Variants in MPPED2 observed in about 807,000 individuals in gnomAD.
The protein encoded by MPPED2 is metallophosphoesterase MPPED2.
A neutral mutation model predicts 33.0 loss-of-function variants in MPPED2; 5 were observed. That is an observed-to-expected ratio of 0.15 (90% confidence interval 0.08 to 0.32). The LOEUF is 0.32. Ranked by LOEUF, MPPED2 falls within the 10% of genes least tolerant of loss-of-function variation. The pLI is 1.00. For missense variants in MPPED2, 275 were observed against 372.1 expected (o/e 0.74, Z 2.15); for synonymous variants, 136 against 141.9 (o/e 0.96, Z 0.29).
At chr11:30,403,676 C>T (rs190312208) in intron 6 of MPPED2, among the ~76,000 whole-genome samples, 4 of 152,174 alleles carry the variant, frequency 2.6e-5, no homozygotes, top group Non-Finnish European at 4.4e-5. Context: ...TCTAATGAAA[C>T]AAAAGGTATG....
chr11:30,425,298 T>C (rs1948784676), intron 4 of MPPED2, among the ~76,000 whole-genome samples: 1 of 152,170 alleles, frequency 6.6e-6, no homozygotes, highest in Admixed American at 6.5e-5. Context: ...TAAGCCTCTG[T>C]TACCGATTTT....
chr11:30,578,185 C>T (rs545854881), intron 2 of MPPED2, among the ~76,000 whole-genome samples: 8 of 152,146 alleles, frequency 5.3e-5, no homozygotes, highest in African/African-American at 1.9e-4. Flanking sequence ...ATGAGCAGAG[C>T]GTAAATGTGT....
chr11:30,498,604 T>C (rs1378763774), intron 3 of MPPED2, among the ~76,000 whole-genome samples: 1 of 150,934 alleles, frequency 6.6e-6, no homozygotes. Context: ...TCCCAAGGCA[T>C]GGTCTATGTT....
At chr11:30,409,440 G>A (rs940483704), downstream of MPPED2, among the ~76,000 whole-genome samples, 1 of 152,200 alleles carries the variant, frequency 6.6e-6, no homozygotes, top group African/African-American at 2.4e-5. Context: ...GGACCCAAAT[G>A]TCCAACACAG....
chr11:30,452,319 G>C (rs1351452584), intron 4 of MPPED2, among the ~76,000 whole-genome samples: 1 of 152,150 alleles, frequency 6.6e-6, no homozygotes, highest in African/African-American at 2.4e-5. Context: ...GTCCACAGTT[G>C]AGTCATCCTT....
intron 6 of MPPED2, among the ~76,000 whole-genome samples, chr11:30,400,650 C>A (rs1947896774): frequency 6.6e-6 from 1 of 152,176 alleles, no homozygotes; most frequent in African/African-American, 2.4e-5. Flanking sequence ...CTTTAATTCC[C>A]AAAATTTAAC....
At chr11:30,399,515 C>T (rs966209274) in intron 6 of MPPED2, among the ~76,000 whole-genome samples, 2 of 152,116 alleles carry the variant, frequency 1.3e-5, no homozygotes, top group Non-Finnish European at 1.5e-5. Flanking sequence ...CAGAGTAGAA[C>T]GTAATGTACT....
chr11:30,503,253 G>T (rs549304371), intron 3 of MPPED2, among the ~76,000 whole-genome samples: 1 of 151,932 alleles, frequency 6.6e-6, no homozygotes, highest in Non-Finnish European at 1.5e-5. Flanking sequence ...TTCCCCTTCC[G>T]CCATGATTAT....
intron 4 of MPPED2, among the ~76,000 whole-genome samples, chr11:30,424,939 A>G (rs993853751): frequency 1.3e-5 from 2 of 152,206 alleles, no homozygotes; most frequent in Non-Finnish European, 2.9e-5. Context: ...GCTGCTTGGG[A>G]AGCCTGGCTA....
intron 4 of MPPED2, among the ~76,000 whole-genome samples, chr11:30,426,311 T>C (rs1948835038): frequency 1.3e-5 from 2 of 152,262 alleles, no homozygotes; most frequent in African/African-American, 4.8e-5. Flanking sequence ...GTCAAGGTTC[T>C]TCCATACTGT....
At chr11:30,545,778 C>A (rs1310193080) in intron 2 of MPPED2, among the ~76,000 whole-genome samples, 1 of 152,174 alleles carries the variant, frequency 6.6e-6, no homozygotes, top group Non-Finnish European at 1.5e-5. Flanking sequence ...CTTCTACAAT[C>A]TCCTCTTACA....
intron 3 of MPPED2, among the ~76,000 whole-genome samples, chr11:30,521,264 G>C (rs574826264): frequency 1.3e-5 from 2 of 151,998 alleles, no homozygotes; most frequent in South Asian, 2.1e-4. Context: ...AAAAAAACAA[G>C]AATAAACAAA....
intron 2 of MPPED2, among the ~76,000 whole-genome samples, chr11:30,569,201 G>A (rs1035187499): frequency 1.3e-5 from 2 of 152,004 alleles, no homozygotes; most frequent in African/African-American, 4.8e-5. Flanking sequence ...ACCACCGAGG[G>A]GCACAACGTG....
At chr11:30,451,677 A>G (rs1357081884) in intron 4 of MPPED2, 1 of 950,008 alleles carries the variant, frequency 1.1e-6, no homozygotes, top group Non-Finnish European at 1.3e-6. Context: ...AACTTTTACT[A>G]TTTCCTTGTG....
chr11:30,413,209 G>T (rs1350374638), intron 6 of MPPED2, among the ~76,000 whole-genome samples: 1 of 152,190 alleles, frequency 6.6e-6, no homozygotes, highest in African/African-American at 2.4e-5. Context: ...CACTGAATTT[G>T]TGGGCTTTGA....
intron 1 of MPPED2, chr11:30,584,369 CA>C (rs1564921300): frequency 0.011 from 1,577 of 148,860 alleles, 18 homozygotes; most frequent in East Asian, 0.069. Context: ...CACACACACA[CA>C]CACACACCAC....
intron 4 of MPPED2, among the ~76,000 whole-genome samples, chr11:30,490,337 GA>G (rs1951921666): frequency 1.3e-5 from 2 of 152,098 alleles, no homozygotes; most frequent in Admixed American, 1.3e-4. Context: ...AAAAAAGAAT[GA>G]GAAAAAAACA....
intron 3 of MPPED2, among the ~76,000 whole-genome samples, chr11:30,504,163 G>GAT: frequency 6.6e-6 from 1 of 152,240 alleles, no homozygotes; most frequent in South Asian, 2.1e-4. Context: ...ACAGAAGGAG[G>GAT]AAATTTTTCC....
At chr11:30,418,865 A>T (rs1948486714) in intron 4 of MPPED2, among the ~76,000 whole-genome samples, 2 of 152,240 alleles carry the variant, frequency 1.3e-5, no homozygotes, top group African/African-American at 4.8e-5. Context: ...GGTGGTGGAC[A>T]TGTATAGTCA....
Sources: allele counts gnomAD v4.1 joint callset (sites outside exome capture counted in the v4.1 genomes callset), GRCh38; gene constraint gnomAD v4.1.1; transcripts MANE v1.5; gene names NCBI Gene and HGNC (gene_info 2026-07-23, HGNC 2026-07-21).